PRAMEF11: variants seen among roughly 807,000 people sequenced by gnomAD.
The protein encoded by PRAMEF11 is PRAME family member 11.
PRAMEF11 carries 17 observed loss-of-function variants against 33.6 expected under a neutral mutation model. The ratio of observed to expected loss-of-function variants is 0.51; its 90% CI spans 0.35 to 0.76. The LOEUF (loss-of-function observed/expected upper bound fraction) is 0.76. PRAMEF11 is among the 30% of genes least tolerant of loss of function. The probability of loss-of-function intolerance (pLI) is 0.01; values close to 1 mark genes in which losing one functional copy is unlikely to be tolerated. For missense variants in PRAMEF11, 568 were observed against 567.0 expected (o/e 1.00, Z -0.02); for synonymous variants, 205 against 227.3 (o/e 0.90, Z 0.88).
chr1:12,827,057 C>G (rs1270263069), intron 3 of PRAMEF11, among the ~76,000 whole-genome samples, 192 bp downstream of exon 3: 1 of 151,204 alleles, frequency 6.6e-6, no homozygotes, highest in Non-Finnish European at 1.5e-5. Flanking sequence ...CCTGACTGAT[C>G]CCTCTGACTC....
rs987182623 is a variant in PRAMEF11, at chr1:12,828,739, C to T, written c.51G>A (p.Arg17=). Residue 17 remains arginine (R), a synonymous_variant, in exon 2 of 4, where the codon CGG becomes CGA. Coordinates refer to ENST00000619922, the MANE Select transcript of PRAMEF11 (RefSeq NM_001146344.3). The part of the protein sequence containing the change: ...IPPRLLELAG[R]SLLRDQALAV... Reference sequence around the variant, plus strand: ...CCAAGGCTTGGTCCCTCAGCAGGCTCCGCCCCGCAAGCTCCAGGAGTCTGG... The same window carrying T: ...CCAAGGCTTGGTCCCTCAGCAGGCTTCGCCCCGCAAGCTCCAGGAGTCTGG... The T allele has an allele frequency of 1.5e-5, 24 of 1,610,004 alleles. No homozygotes were observed. The highest frequency in any genetic ancestry group is 2.0e-5 in the Non-Finnish European group (24 of 1,178,036).
rs533813535 is a variant in PRAMEF11, at chr1:12,828,714, C to A, written c.76G>T (p.Ala26Ser). 5.0e-5 allele frequency: 81 copies of A among 1,610,242 alleles called. 1 individual carries two copies. The African/African-American group carries it at 9.9e-4, about 20-fold the overall frequency. The change falls in exon 2 of 4, where the codon GCC (alanine) becomes TCC (serine). Residue 26 changes from alanine to serine, a missense_variant. By Grantham distance (99) the Ala-to-Ser change is moderately conservative. Around this residue, in one of 3 missense-constraint regions of PRAMEF11, gnomAD observed 342 missense variants for 312.0 expected, o/e 1.10. Coordinates refer to ENST00000619922, the MANE Select transcript of PRAMEF11 (RefSeq NM_001146344.3). The part of the protein sequence containing the change: ...GRSLLRDQAL[A>S]VSTLEELPTE... Reference sequence around the variant, plus strand: ...GGCAGCTCCTCCAGGGTGGAGACGGCCAAGGCTTGGTCCCTCAGCAGGCTC... The same window carrying A: ...GGCAGCTCCTCCAGGGTGGAGACGGACAAGGCTTGGTCCCTCAGCAGGCTC...
intron 3 of PRAMEF11, among the ~76,000 whole-genome samples, chr1:12,826,520 G>T (rs1639870696): frequency 6.6e-6 from 1 of 151,056 alleles, no homozygotes; most frequent in Admixed American, 6.6e-5. Flanking sequence ...CCAGCACTTT[G>T]GGAGTCCAAG....
Position 12,825,200 on chromosome 1 carries a change from G to A in PRAMEF11, c.1179C>T (p.Cys393=). The A allele has an allele frequency of 6.2e-7, 1 of 1,608,120 alleles. No homozygotes were observed. Among genetic ancestry groups the A allele is most frequent in the Non-Finnish European group, 8.5e-7 (1 of 1,177,690 alleles). ...NTFSFCGNPI[C]MATLENLLSH... is the part of the protein sequence containing the mutation. ...TCAGCAGGTTCTCCAGGGTGGCCAT[G>A]CAGATGGGATTTCCACAGAAGCTGA... Residue 393 remains cysteine (C), a synonymous_variant, in exon 4 of 4, where the codon TGC becomes TGT. Coordinates refer to ENST00000619922, the MANE Select transcript of PRAMEF11 (RefSeq NM_001146344.3).
At chr1:12,829,625 G>A (rs1380602435) in intron 1 of PRAMEF11, among the ~76,000 whole-genome samples, 1 of 151,306 alleles carries the variant, frequency 6.6e-6, no homozygotes, top group Non-Finnish European at 1.5e-5. Flanking sequence ...GTCCAAGCTG[G>A]TCTTGAACTC....
chr1:12,826,677 G>T (rs998039440), intron 3 of PRAMEF11, among the ~76,000 whole-genome samples: 1 of 151,318 alleles, frequency 6.6e-6, no homozygotes, highest in African/African-American at 2.4e-5. Context: ...CAGGAGAATC[G>T]CTTGAACCTG....
rs1236945367 is a variant in PRAMEF11, at chr1:12,827,586, G to A, written c.538C>T (p.Leu180=). 5.6e-6 allele frequency: 9 copies of A among 1,609,540 alleles called. No individual in the cohort carries two copies. Among genetic ancestry groups the A allele is most frequent in the Non-Finnish European group, 7.6e-6 (9 of 1,177,692 alleles). ...TTCAGCTTCTTACAGCACAGGTGTA[G>A]TAAATCTCTCCTCTGCTTGACCCAT... The part of the protein sequence containing the change: ...LLWVKQRRDL[L]HLCCKKLKIL... The change falls in exon 3 of 4, where the codon CTA becomes TTA. Residue 180 remains leucine (L), a synonymous_variant. Coordinates refer to ENST00000619922, the MANE Select transcript of PRAMEF11 (RefSeq NM_001146344.3).
In PRAMEF11 at chr1:12,827,156, T is replaced by A. The variant is rs1639886176; in HGVS notation, c.875+93A>T. 77 of 1,575,530 alleles carry A rather than the reference T, an allele frequency of 4.9e-5. 2 individuals carry two copies. In the South Asian group the frequency reaches 8.5e-4, roughly 17 times the overall value. ...TTCTAGTGTCCCCTTCACTGTTACA[T>A]CCTCATAGGCTGGCTCACAGTAGAT... On this transcript the variant is annotated intron_variant, in intron 3 of 3. Transcript: ENST00000619922.
At chr1:12,829,188 A>T (rs1223484451) in intron 1 of PRAMEF11, among the ~76,000 whole-genome samples, 2 of 151,390 alleles carry the variant, frequency 1.3e-5, no homozygotes, top group African/African-American at 4.8e-5. Flanking sequence ...AGTTCCTAAA[A>T]ATAAGCTTGT....
intron 2 of PRAMEF11, among the ~76,000 whole-genome samples, chr1:12,828,199 G>A (rs1421796681): frequency 8.9e-5 from 13 of 146,484 alleles, no homozygotes; most frequent in Non-Finnish European, 2.0e-4. Context: ...TGGACAGGCT[G>A]GCCTCCAACT....
At position 12,828,566 on chromosome 1, in the gene PRAMEF11, G is replaced by C. The variant is rs1455373416; in HGVS notation, c.224C>G (p.Pro75Arg). The stretch of plus-strand genomic sequence containing the variant: ...CACAGCTTGGAAGGCCTCCAGACAA[G>C]GCATCTTTATCAGAGGCCTCAGAGG... ...RLPLRPLIKMPCLEAFQAVLD... is the reference protein window; with the variant it reads ...RLPLRPLIKMRCLEAFQAVLD... Residue 75 changes from proline (P) to arginine (R), a missense_variant, in exon 2 of 4, where the codon CCT becomes CGT. Physicochemically the swap from Pro to Arg is moderately radical, Grantham distance 103. Transcript: ENST00000619922. 1 of 1,606,170 alleles carries C rather than the reference G, an allele frequency of 6.2e-7. No homozygotes were observed. Among genetic ancestry groups the C allele is most frequent in the African/African-American group, 1.3e-5 (1 of 74,264 alleles).
intron 3 of PRAMEF11, among the ~76,000 whole-genome samples, chr1:12,826,319 G>T (rs1427810956): frequency 7.8e-6 from 1 of 128,182 alleles, no homozygotes; most frequent in Non-Finnish European, 1.8e-5. Flanking sequence ...GAGCTCAAAA[G>T]AAACTTTTAC....
chr1:12,826,430 G>T (rs1211198927), intron 3 of PRAMEF11, among the ~76,000 whole-genome samples: 3 of 150,996 alleles, frequency 2.0e-5, no homozygotes, highest in Non-Finnish European at 3.0e-5. Context: ...CCTCTTCAGT[G>T]CCCACTTCAC....
At position 12,824,706 on chromosome 1, in the gene PRAMEF11, A is replaced by G. The variant is rs1350322992; in HGVS notation, c.*236T>C. ...CTCAAGCCTGAATTCCACTCTAGAC[A>G]TTCAGATTCCCATTTTCGACTCTAC... On this transcript the variant is annotated 3_prime_UTR_variant, in exon 4 of 4. Coordinates refer to ENST00000619922, the MANE Select transcript of PRAMEF11 (RefSeq NM_001146344.3). 1 of 583,200 alleles carries G rather than the reference A, an allele frequency of 1.7e-6. No individual in the cohort carries two copies. The highest frequency in any genetic ancestry group is 3.0e-6 in the Non-Finnish European group (1 of 336,816). The allele number at this position is 583,200 out of a possible 1,614,324, so 36.1% of individuals were successfully genotyped here.
intron 1 of PRAMEF11, among the ~76,000 whole-genome samples, chr1:12,829,215 G>A (rs1050315412): frequency 5.9e-5 from 9 of 151,436 alleles, no homozygotes; most frequent in South Asian, 2.1e-4. Flanking sequence ...CATTCATGGG[G>A]CATCCCTAGA....
intron 3 of PRAMEF11, among the ~76,000 whole-genome samples, chr1:12,825,971 TAA>T (rs5772506): frequency 7.2e-6 from 1 of 139,832 alleles, no homozygotes. Flanking sequence ...GATACTCTAT[TAA>T]AAAAAAAAAA....
chr1:12,828,326 A>G lies in PRAMEF11; in HGVS notation c.293+171T>C, dbSNP rs1322981845. Among the ~76,000 whole-genome samples, 5 of 148,668 alleles carry G rather than the reference A, an allele frequency of 3.4e-5. 1 individual carries two copies. The Admixed American group carries it at 3.4e-4, about 10-fold the overall frequency. ...TAGAGGAGAGGTTCCTGTTACCTCT[A>G]TGGACCTTGCCTGGTGAGCAGTGCT... is the stretch of plus-strand genomic sequence containing the variant. On this transcript the variant is annotated intron_variant, in intron 2 of 3. Coordinates refer to ENST00000619922, the MANE Select transcript of PRAMEF11 (RefSeq NM_001146344.3).
chr1:12,825,725 G>A lies in PRAMEF11; in HGVS notation c.876-222C>T, dbSNP rs1208638274. On this transcript the variant is annotated intron_variant, in intron 3 of 3. Coordinates refer to ENST00000619922, the MANE Select transcript of PRAMEF11 (RefSeq NM_001146344.3). ...CCAGTAACTCACACCTGTAATCCCA[G>A]CACTTTGGGAGGCTGAGACTGGTGG... Among the ~76,000 whole-genome samples, 4 of 147,852 alleles carry A rather than the reference G, an allele frequency of 2.7e-5. No individual in the cohort carries two copies. The South Asian group carries it at 6.7e-4, about 25-fold the overall frequency.
intron 3 of PRAMEF11, among the ~76,000 whole-genome samples, chr1:12,825,891 T>G (rs994414045): frequency 6.7e-6 from 1 of 150,186 alleles, no homozygotes; most frequent in Admixed American, 6.7e-5. Context: ...GAAGAATCGC[T>G]TGAACCCAGG....
Sources: allele counts gnomAD v4.1 joint callset (sites outside exome capture counted in the v4.1 genomes callset), GRCh38; gene constraint gnomAD v4.1.1; regional missense constraint gnomAD v4.1.1; transcripts MANE v1.5; gene names NCBI Gene and HGNC (gene_info 2026-07-23, HGNC 2026-07-21).